Variants in NOX4 observed in about 807,000 individuals in gnomAD.
The protein encoded by NOX4 is kidney oxidase-1.
A neutral mutation model predicts 87.6 loss-of-function variants in NOX4; 69 were observed. The ratio of observed to expected loss-of-function variants is 0.79; its 90% CI spans 0.65 to 0.96. The LOEUF (loss-of-function observed/expected upper bound fraction) is 0.96, where lower values mean the gene tolerates loss of function less well. Ranked by LOEUF, NOX4 falls within the 40% of genes least tolerant of loss-of-function variation. NOX4 has a pLI of 0.00. For missense variants in NOX4, 680 were observed against 681.5 expected, an observed-to-expected ratio of 1.00 and a Z score of 0.02; for synonymous variants, 275 against 238.2, an observed-to-expected ratio of 1.15 and a Z score of -1.42.
rs1374659865 is a variant in NOX4 at position 89,438,534 on chromosome 11, C to T, written c.475+2154G>A. ...TATATACTATATATACTATATATTACACACTATATATAATAATATACTATA... is the reference window on the plus strand; with the variant it reads ...TATATACTATATATACTATATATTATACACTATATATAATAATATACTATA... On this transcript the variant is annotated intron_variant, in intron 6 of 17. Coordinates refer to ENST00000263317, the MANE Select transcript of NOX4 (RefSeq NM_016931.5). Among the ~76,000 whole-genome samples the T allele has an allele frequency of 6.6e-3, 577 of 86,936 alleles. 26 individuals are homozygous for T. The highest frequency in any genetic ancestry group is 0.029 in the African/African-American group (539 of 18,558). The allele number at this position is 86,936 out of a possible 152,430, so 57.0% of individuals were successfully genotyped here. A position where few individuals can be genotyped will look rare whatever the true frequency, so the allele number is the denominator to read the frequency against.
chr11:89,537,887 CA>C, the NOX4 span, among the ~76,000 whole-genome samples: 1 of 152,178 alleles, frequency 6.6e-6, no homozygotes, highest in Non-Finnish European at 1.5e-5. Context: ...AGCTCTAACT[CA>C]AATCTCTACT....
At chr11:89,562,929 T>C in the NOX4 span, among the ~76,000 whole-genome samples, 1 of 152,180 alleles carries the variant, frequency 6.6e-6, no homozygotes, top group Admixed American at 6.5e-5. Flanking sequence ...CCCCATGCTG[T>C]TCTCCTGATA....
At chr11:89,469,484 A>C (rs1945836818) in intron 2 of NOX4, among the ~76,000 whole-genome samples, 2 of 152,226 alleles carry the variant, frequency 1.3e-5, no homozygotes, top group African/African-American at 4.8e-5. Flanking sequence ...GGAAAATTTT[A>C]ATCAAACCAA....
In NOX4 at chr11:89,444,197, T is replaced by C. The variant is rs758728172; in HGVS notation, c.385A>G (p.Asn129Asp). ...TCTTCACTGTAATTCACTGAGAAGT[T>C]GAGGGCATTCACCAGATGGGCAGCC... Reference protein sequence around the residue: ...HVAAHLVNALNFSVNYSEDFV... With the variant: ...HVAAHLVNALDFSVNYSEDFV... The change falls in exon 5 of 18, where the codon AAC becomes GAC. Residue 129 changes from asparagine (N) to aspartate (D), a missense_variant. Physicochemically the swap from Asn to Asp is conservative, Grantham distance 23. Transcript: ENST00000263317. 2 of 1,613,620 alleles carry C rather than the reference T, an allele frequency of 1.2e-6. No homozygotes were observed. The highest frequency in any genetic ancestry group is 2.2e-5 in the South Asian group (2 of 91,068).
At chr11:89,459,207 C>A (rs930869009) in intron 2 of NOX4, among the ~76,000 whole-genome samples, 1 of 151,746 alleles carries the variant, frequency 6.6e-6, no homozygotes, top group Non-Finnish European at 1.5e-5. Flanking sequence ...AACCAAATAC[C>A]GAGAACATGT....
intron 4 of NOX4, among the ~76,000 whole-genome samples, chr11:89,447,961 A>G (rs376202777): frequency 9.2e-5 from 14 of 152,156 alleles, no homozygotes; most frequent in East Asian, 7.7e-4. Context: ...GCAATTTTTT[A>G]CCAAGTTAAA....
the NOX4 span, among the ~76,000 whole-genome samples, chr11:89,560,698 C>A: frequency 6.6e-6 from 1 of 151,766 alleles, no homozygotes; most frequent in South Asian, 2.1e-4. Flanking sequence ...TTCTTTCTCT[C>A]TCTCTTCTGG....
the NOX4 span, among the ~76,000 whole-genome samples, chr11:89,510,751 T>A: frequency 1.3e-5 from 2 of 152,084 alleles, no homozygotes; most frequent in African/African-American, 4.8e-5. Flanking sequence ...GCAACATGCT[T>A]CTGGCTTACA....
At chr11:89,526,996 T>C in the NOX4 span, among the ~76,000 whole-genome samples, 2 of 152,138 alleles carry the variant, frequency 1.3e-5, no homozygotes, top group East Asian at 3.9e-4. Context: ...AAAATGCTGA[T>C]AGTAATATGA....
At chr11:89,361,441 T>G (rs1938514988) in intron 12 of NOX4, among the ~76,000 whole-genome samples, 1 of 152,000 alleles carries the variant, frequency 6.6e-6, no homozygotes, top group Admixed American at 6.6e-5. Flanking sequence ...TAATGAATTT[T>G]AAGAACTCTG....
chr11:89,340,561 A>G (rs1945941493), intron 14 of NOX4, among the ~76,000 whole-genome samples: 1 of 152,230 alleles, frequency 6.6e-6, no homozygotes, highest in Admixed American at 6.5e-5. Flanking sequence ...AGTGAATTCT[A>G]TCACAGACTG....
intron 8 of NOX4, among the ~76,000 whole-genome samples, chr11:89,406,134 T>C (rs1265816879): frequency 3.3e-5 from 5 of 152,100 alleles, no homozygotes; most frequent in Non-Finnish European, 2.9e-5. Flanking sequence ...ATTTCTTTGG[T>C]ATTAGTGCAG....
intron 11 of NOX4, among the ~76,000 whole-genome samples, 162 bp downstream of exon 11, chr11:89,399,855 T>C (rs981795594): frequency 6.6e-5 from 10 of 152,020 alleles, no homozygotes; most frequent in African/African-American, 2.4e-4. Flanking sequence ...AGTTACACAG[T>C]TCTTGAGCAG....
chr11:89,530,685 A>C, the NOX4 span, among the ~76,000 whole-genome samples: 1 of 151,790 alleles, frequency 6.6e-6, no homozygotes, highest in Non-Finnish European at 1.5e-5. Context: ...ATTTTTTAGG[A>C]TATGATTCAC....
chr11:89,446,346 G>A (rs532010078), intron 4 of NOX4, among the ~76,000 whole-genome samples: 40 of 152,086 alleles, frequency 2.6e-4, no homozygotes, highest in African/African-American at 7.9e-4. Context: ...ACATGATCTC[G>A]CACTCATACT....
At chr11:89,476,696 C>A (rs1591350062) in intron 2 of NOX4, among the ~76,000 whole-genome samples, 1 of 151,980 alleles carries the variant, frequency 6.6e-6, no homozygotes, top group Non-Finnish European at 1.5e-5. Context: ...CTATTTGAAG[C>A]AGCAGGATAT....
At chr11:89,349,913 T>C (rs1946385942) in intron 13 of NOX4, among the ~76,000 whole-genome samples, 1 of 152,218 alleles carries the variant, frequency 6.6e-6, no homozygotes, top group Non-Finnish European at 1.5e-5. Flanking sequence ...AAATATATTA[T>C]AACTACTCTC....
chr11:89,440,772 TTCTA>T, intron 5 of NOX4, 57 bp from the exon 6 acceptor site: 1 of 1,007,984 alleles, frequency 9.9e-7, no homozygotes, highest in Non-Finnish European at 1.5e-6. Flanking sequence ...TGATATATAA[TTCTA>T]TAAAGAGTAT....
At chr11:89,570,316 T>C in the NOX4 span, among the ~76,000 whole-genome samples, 3 of 152,136 alleles carry the variant, frequency 2.0e-5, no homozygotes, top group Non-Finnish European at 4.4e-5. Context: ...GTATACATGG[T>C]TATAAATAAT....
Sources: allele counts gnomAD v4.1 joint callset (sites outside exome capture counted in the v4.1 genomes callset), GRCh38; gene constraint gnomAD v4.1.1; transcripts MANE v1.5; gene names NCBI Gene and HGNC (gene_info 2026-07-23, HGNC 2026-07-21).